Variants in PDHX observed in about 807,000 individuals in gnomAD.
PDHX encodes the protein pyruvate dehydrogenase protein X component, mitochondrial.
A neutral mutation model predicts 55.3 loss-of-function variants in PDHX; 33 were observed. The observed-to-expected ratio is 0.60, with a 90% CI of 0.45 to 0.80. The LOEUF (loss-of-function observed/expected upper bound fraction) is 0.80, where lower values mean the gene tolerates loss of function less well. Among genes scored for constraint, PDHX ranks in the 30% least tolerant of loss-of-function variants. PDHX has a pLI of 0.00. For synonymous variants in PDHX, 226 were observed against 219.4 expected, an observed-to-expected ratio of 1.03 and a Z score of -0.27; for missense variants, 622 against 619.9, an observed-to-expected ratio of 1.00 and a Z score of -0.04.
upstream of PDHX, chr11:34,916,341 C>A (rs769228399): frequency 7.7e-5 from 123 of 1,597,926 alleles, no homozygotes; most frequent in East Asian, 8.6e-4. Flanking sequence ...GCGCGCGGCG[C>A]TTAGCCTGGG....
intron 7 of PDHX, among the ~76,000 whole-genome samples, chr11:34,977,189 C>T (rs950925126): frequency 1.3e-5 from 2 of 152,138 alleles, no homozygotes; most frequent in Admixed American, 6.5e-5. Flanking sequence ...TGTTATTCAC[C>T]TAAAATTCCG....
chr11:34,927,754 A>C (rs1409241664), intron 1 of PDHX, among the ~76,000 whole-genome samples: 1 of 152,108 alleles, frequency 6.6e-6, no homozygotes, highest in African/African-American at 2.4e-5. Flanking sequence ...ATAACTACAA[A>C]ATATATTGCA....
At chr11:34,981,400 T>C (rs1590766567) in intron 8 of PDHX, among the ~76,000 whole-genome samples, 1 of 152,158 alleles carries the variant, frequency 6.6e-6, no homozygotes, top group Admixed American at 6.5e-5. Flanking sequence ...CAGTCTATCA[T>C]TGTTGGACAT....
intron 8 of PDHX, among the ~76,000 whole-genome samples, chr11:34,982,854 G>T (rs185701111): frequency 0.025 from 3,848 of 152,256 alleles, 90 homozygotes; most frequent in Middle Eastern, 0.082. Context: ...ACAAGGAGGA[G>T]CTGTTACCAT....
intron 5 of PDHX, among the ~76,000 whole-genome samples, chr11:34,962,340 G>A (rs1000585169): frequency 2.6e-5 from 4 of 152,236 alleles, no homozygotes; most frequent in Non-Finnish European, 4.4e-5. Flanking sequence ...ATAAAGTCCA[G>A]AAGCCTTTGC....
intron 1 of PDHX, among the ~76,000 whole-genome samples, chr11:34,918,167 G>C (rs1159642415): frequency 6.6e-6 from 1 of 152,008 alleles, no homozygotes; most frequent in Non-Finnish European, 1.5e-5. Flanking sequence ...TGTGCACGTA[G>C]TGGCTCACGC....
In PDHX at chr11:34,949,452, G is replaced by C. The variant is rs183620657; in HGVS notation, c.342+1846G>C. ...CGGGTTTCTCCAATTTGGTCAGGCTGGTTTTGAACTCCTGACTCAAGTAAT... is the reference window on the plus strand; with the variant it reads ...CGGGTTTCTCCAATTTGGTCAGGCTCGTTTTGAACTCCTGACTCAAGTAAT... On this transcript the variant is annotated intron_variant, in intron 3 of 10. Transcript: ENST00000227868. Among the ~76,000 whole-genome samples the C allele has an allele frequency of 6.5e-3, 994 of 152,182 alleles. 9 individuals are homozygous for C. Among genetic ancestry groups the C allele is most frequent in the Non-Finnish European group, 0.011 (729 of 68,000 alleles).
At chr11:34,945,642 TAA>T (rs1261755426) in intron 2 of PDHX, among the ~76,000 whole-genome samples, 1 of 152,238 alleles carries the variant, frequency 6.6e-6, no homozygotes, top group Non-Finnish European at 1.5e-5. Context: ...GATAGATTTT[TAA>T]AAGATTATGT....
rs745949756 is a variant in PDHX at position 34,994,922 on chromosome 11, A to G, written c.1256A>G (p.Asn419Ser). The change falls in exon 11 of 11, where the codon AAC becomes AGC. Residue 419 changes from asparagine to serine, a missense_variant. By Grantham distance (46) the Asn-to-Ser change is conservative. Transcript: ENST00000227868. Reference protein sequence around the residue: ...EYQGGSFSISNLGMFGIDEFT... With the variant: ...EYQGGSFSISSLGMFGIDEFT... ...TTTTCTTTTCCCCCTAGTATTTCCA[A>G]CTTGGGGATGTTTGGCATCGACGAA... The G allele has an allele frequency of 9.9e-6, 16 of 1,613,718 alleles. No individual in the cohort carries two copies. In the African/African-American group the frequency reaches 2.0e-4, roughly 20 times the overall value.
chr11:34,958,226 A>G (rs894641047), intron 4 of PDHX, among the ~76,000 whole-genome samples: 1 of 152,076 alleles, frequency 6.6e-6, no homozygotes, highest in Non-Finnish European at 1.5e-5. Flanking sequence ...CATAAAGTAG[A>G]CCTCTTCATT....
At chr11:34,952,245 A>C (rs372916727) in intron 3 of PDHX, among the ~76,000 whole-genome samples, 1 of 151,812 alleles carries the variant, frequency 6.6e-6, no homozygotes, top group Non-Finnish European at 1.5e-5. Context: ...ATTCACAGCC[A>C]AATTCTACCA....
intron 2 of PDHX, among the ~76,000 whole-genome samples, chr11:34,944,997 C>A (rs896268593): frequency 4.0e-5 from 6 of 151,868 alleles, no homozygotes; most frequent in Non-Finnish European, 5.9e-5. Flanking sequence ...GTTAGATAAT[C>A]AACTTCTTAT....
chr11:34,986,646 C>T (rs964391464), intron 9 of PDHX, among the ~76,000 whole-genome samples: 1 of 152,102 alleles, frequency 6.6e-6, no homozygotes, highest in South Asian at 2.1e-4. Flanking sequence ...ATACATAAGT[C>T]GTAAGTAGTT....
intron 4 of PDHX, among the ~76,000 whole-genome samples, chr11:34,960,094 A>T (rs1854991700): frequency 6.6e-6 from 1 of 152,232 alleles, no homozygotes; most frequent in Non-Finnish European, 1.5e-5. Context: ...GAAATGATAG[A>T]ACAAAATATA....
chr11:34,917,598 AATC>A (rs2133933534), intron 1 of PDHX, among the ~76,000 whole-genome samples: 1 of 152,266 alleles, frequency 6.6e-6, no homozygotes, highest in South Asian at 2.1e-4. Context: ...ATTACCTGCC[AATC>A]ATCGTTCCTG....
chr11:34,918,763 T>C (rs1853804652), intron 1 of PDHX, among the ~76,000 whole-genome samples: 1 of 152,190 alleles, frequency 6.6e-6, no homozygotes, highest in South Asian at 2.1e-4. Context: ...AATCAAGCTA[T>C]TGGTAGGAGC....
At position 34,995,370 on chromosome 11, in the gene PDHX, T is replaced by C. The variant is rs935839977; in HGVS notation, c.*198T>C. On this transcript the variant is annotated 3_prime_UTR_variant, in exon 11 of 11. Transcript: ENST00000227868. ...GTTATAGAAATAAATGATGATAAAC[T>C]CTAACTAATAAAGGAAAGAGAATAT... 1.4e-5 allele frequency: 8 copies of C among 566,896 alleles called. No individual in the cohort carries two copies. The highest frequency in any genetic ancestry group is 2.2e-5 in the Non-Finnish European group (7 of 319,432). 35.1% of individuals were successfully genotyped at this position (566,896 alleles called of 1,614,324 possible).
chr11:34,968,802 A>G (rs1490701060), intron 6 of PDHX, among the ~76,000 whole-genome samples: 1 of 152,104 alleles, frequency 6.6e-6, no homozygotes, highest in Admixed American at 6.5e-5. Context: ...TTCTAGTTTA[A>G]CTCCACTGTG....
intron 2 of PDHX, among the ~76,000 whole-genome samples, chr11:34,932,473 A>G (rs1341515448): frequency 2.0e-5 from 3 of 152,220 alleles, no homozygotes; most frequent in Non-Finnish European, 4.4e-5. Context: ...TCTTACACGT[A>G]GAAAAAGACG....
Sources: allele counts gnomAD v4.1 joint callset (sites outside exome capture counted in the v4.1 genomes callset), GRCh38; gene constraint gnomAD v4.1.1; transcripts MANE v1.5; gene names NCBI Gene and HGNC (gene_info 2026-07-23, HGNC 2026-07-21).